The following OTUD7B variants were observed in gnomAD, a reference collection of about 807,000 sequenced individuals.
The protein encoded by OTUD7B is OTU deubiquitinase 7B.
OTUD7B carries 34 observed loss-of-function variants against 82.2 expected under a neutral mutation model. The ratio of observed to expected loss-of-function variants is 0.41; its 90% CI spans 0.31 to 0.55. The LOEUF is 0.55. Among genes scored for constraint, OTUD7B ranks in the 20% least tolerant of loss-of-function variants. The probability of loss-of-function intolerance (pLI) is 0.20; values close to 1 mark genes in which losing one functional copy is unlikely to be tolerated. For missense variants in OTUD7B, 944 were observed against 1,062.1 expected (o/e 0.89, Z 1.55); for synonymous variants, 398 against 402.7 (o/e 0.99, Z 0.14).
chr1:149,949,765 A>T lies in OTUD7B; in HGVS notation c.987T>A (p.Ile329=). ...AAGGCAGATAGATTCCTCCAAAGGG[A>T]ATAGGGGCAAATGCTGCAGGAAGCC... ...RDSGGEAFAP[I]PFGGIYLPLE... is the part of the protein sequence containing the mutation. The change falls in exon 9 of 12, where the codon ATT becomes ATA. Residue 329 remains isoleucine (I), a synonymous_variant. Transcript: ENST00000581312. 6.2e-7 allele frequency: 1 copy of T among 1,614,076 alleles called. No homozygotes were observed. The highest frequency in any genetic ancestry group is 8.5e-7 in the Non-Finnish European group (1 of 1,179,994).
At chr1:150,050,458 T>C in the OTUD7B span, 1 of 152,200 alleles carries the variant, frequency 6.6e-6, no homozygotes, top group African/African-American at 2.4e-5. Flanking sequence ...CAGACATGAA[T>C]GGAAATCATA....
the OTUD7B span, among the ~76,000 whole-genome samples, chr1:150,053,448 G>T: frequency 1.3e-5 from 2 of 150,060 alleles, no homozygotes; most frequent in African/African-American, 4.9e-5. Flanking sequence ...CCAGGCTGTA[G>T]TGCAGTGGCA....
intron 1 of OTUD7B, among the ~76,000 whole-genome samples, chr1:149,987,041 AAAGT>A (rs782550394): frequency 3.9e-5 from 6 of 152,234 alleles, no homozygotes; most frequent in Non-Finnish European, 8.8e-5. Context: ...GAAGAGAAAG[AAAGT>A]AATATGTTTT....
Position 150,009,825 on chromosome 1 carries a change from C to A in OTUD7B, c.-67+623G>T, listed in dbSNP as rs1004374013. Among the ~76,000 whole-genome samples, 25 of 152,030 alleles carry A rather than the reference C, an allele frequency of 1.6e-4. 1 individual carries two copies. Among genetic ancestry groups the A allele is most frequent in the Non-Finnish European group, 5.9e-5 (4 of 67,992 alleles). ...TATGAGAAGAGTGAGATCACGCAGCCCCCGGCTTACTCATCATCAGCTTCT... is the reference window on the plus strand; with the variant it reads ...TATGAGAAGAGTGAGATCACGCAGCACCCGGCTTACTCATCATCAGCTTCT... On this transcript the variant is annotated intron_variant, in intron 1 of 11. Transcript: ENST00000581312.
intron 6 of OTUD7B, among the ~76,000 whole-genome samples, chr1:149,960,572 C>T (rs985697277): frequency 3.3e-5 from 5 of 151,298 alleles, no homozygotes; most frequent in Non-Finnish European, 7.4e-5. Flanking sequence ...TTAGTAGAGA[C>T]GGGCTTTCCC....
At position 149,944,975 on chromosome 1, in the gene OTUD7B, C is replaced by A. The variant is rs782266080; in HGVS notation, c.1414G>T (p.Val472Phe). 1.9e-6 allele frequency: 3 copies of A among 1,614,202 alleles called. No individual in the cohort carries two copies. The highest frequency in any genetic ancestry group is 2.5e-6 in the Non-Finnish European group (3 of 1,180,038). The stretch of plus-strand genomic sequence containing the variant: ...TCGTTGCTGGTGGAACTGCTGCCAA[C>A]TGACTCCTTGTCTGAGTCTCCAGAC... ...PESGDSDKESVGSSSTSNEGG... is the reference protein window; with the variant it reads ...PESGDSDKESFGSSSTSNEGG... The change falls in exon 12 of 12, where the codon GTT becomes TTT. Residue 472 changes from valine (V) to phenylalanine (F), a missense_variant. Coordinates refer to ENST00000581312, the MANE Select transcript of OTUD7B (RefSeq NM_020205.4).
chr1:150,059,127 C>T, the OTUD7B span, among the ~76,000 whole-genome samples: 1 of 142,688 alleles, frequency 7.0e-6, no homozygotes, highest in African/African-American at 2.6e-5. Flanking sequence ...GATCTCGGCT[C>T]ACTGCAACCT....
At chr1:149,945,480 T>C (rs1312990834) in intron 11 of OTUD7B, among the ~76,000 whole-genome samples, 1 of 152,178 alleles carries the variant, frequency 6.6e-6, no homozygotes, top group Non-Finnish European at 1.5e-5. Flanking sequence ...TTATTATACA[T>C]TTCTCTATGC....
At chr1:149,995,655 C>T (rs587612804) in intron 1 of OTUD7B, among the ~76,000 whole-genome samples, 20 of 152,088 alleles carry the variant, frequency 1.3e-4, no homozygotes, top group Admixed American at 1.1e-3. Flanking sequence ...TTAACTGGAA[C>T]TCAATTCCTA....
At chr1:149,949,802 T>C (rs782522572) in intron 8 of OTUD7B, 24 bp from the exon 9 acceptor site, 1 of 1,607,620 alleles carries the variant, frequency 6.2e-7, no homozygotes, top group Non-Finnish European at 8.5e-7. Flanking sequence ...TGAAGATTAT[T>C]ATGAAGGCTG....
intron 7 of OTUD7B, among the ~76,000 whole-genome samples, chr1:149,954,776 T>C (rs1553774216): frequency 6.6e-6 from 1 of 152,124 alleles, no homozygotes; most frequent in Admixed American, 6.6e-5. Context: ...CTTGGGAGGG[T>C]GTATGTGTCC....
intron 1 of OTUD7B, among the ~76,000 whole-genome samples, chr1:149,980,438 G>T (rs1650633904): frequency 6.6e-6 from 1 of 151,946 alleles, no homozygotes; most frequent in Non-Finnish European, 1.5e-5. Context: ...CACAGTGTTT[G>T]GGCCGGGCAC....
At chr1:150,038,748 C>T in the OTUD7B span, among the ~76,000 whole-genome samples, 1 of 152,072 alleles carries the variant, frequency 6.6e-6, no homozygotes. Context: ...AATTATGGCA[C>T]TTCATGATTT....
the OTUD7B span, among the ~76,000 whole-genome samples, chr1:150,063,278 C>T: frequency 6.6e-6 from 1 of 151,844 alleles, no homozygotes; most frequent in Non-Finnish European, 1.5e-5. Flanking sequence ...ATGGTGAAAC[C>T]CTGCCTGTAC....
chr1:149,967,044 T>A (rs1649562178), intron 4 of OTUD7B, among the ~76,000 whole-genome samples: 1 of 152,236 alleles, frequency 6.6e-6, no homozygotes, highest in Non-Finnish European at 1.5e-5. Context: ...TGTATTGATT[T>A]CGAGGTATTG....
At chr1:149,958,217 C>G (rs1440745425) in intron 7 of OTUD7B, among the ~76,000 whole-genome samples, 1 of 151,962 alleles carries the variant, frequency 6.6e-6, no homozygotes, top group African/African-American at 2.4e-5. Flanking sequence ...CCTCCCCCAT[C>G]ACGGGGCTAC....
chr1:149,960,413 T>TTTTTTTTTTTTTTTTTTTTG lies in OTUD7B; in HGVS notation c.733-618_733-617insCAAAAAAAAAAAAAAAAAAA, dbSNP rs1366020859. Among the ~76,000 whole-genome samples the TTTTTTTTTTTTTTTTTTTTG allele has an allele frequency of 1.4e-4, 10 of 72,564 alleles. 1 individual carries two copies. Among genetic ancestry groups the TTTTTTTTTTTTTTTTTTTTG allele is most frequent in the East Asian group, 4.9e-4 (1 of 2,026 alleles). The allele number at this position is 72,564 out of a possible 152,430, so 47.6% of individuals were successfully genotyped here. ...CCTTTTTTTCTTTTTTTTTTTTTTG[T>TTTTTTTTTTTTTTTTTTTTG]AGACAGAGTCACCCAGGCTGGAGTG... On this transcript the variant is annotated intron_variant, in intron 6 of 11. Transcript: ENST00000581312.
intron 1 of OTUD7B, among the ~76,000 whole-genome samples, chr1:150,001,350 G>C (rs1652268527): frequency 6.6e-6 from 1 of 152,150 alleles, no homozygotes; most frequent in Non-Finnish European, 1.5e-5. Context: ...GTCAGGAGCA[G>C]AATGGTTTCC....
chr1:149,943,581 G>A lies in OTUD7B; in HGVS notation c.*276C>T. 2.3e-6 allele frequency: 1 copy of A among 431,326 alleles called. No homozygotes were observed. 26.7% of individuals were successfully genotyped at this position (431,326 alleles called of 1,614,324 possible). A position where few individuals can be genotyped will look rare whatever the true frequency, so the allele number is the denominator to read the frequency against. On this transcript the variant is annotated 3_prime_UTR_variant, in exon 12 of 12. Coordinates refer to ENST00000581312, the MANE Select transcript of OTUD7B (RefSeq NM_020205.4). ...TAGGTCCCTGGATGGGACCCAGGAGGTTATAAGACAGAATCGCCATCTTTT... is the reference window on the plus strand; with the variant it reads ...TAGGTCCCTGGATGGGACCCAGGAGATTATAAGACAGAATCGCCATCTTTT...
Sources: gnomAD v4.1 joint callset for allele counts (sites outside exome capture counted in the v4.1 genomes callset) on GRCh38, gnomAD v4.1.1 for gene constraint, MANE v1.5 for transcripts, NCBI Gene and HGNC (gene_info 2026-07-23, HGNC 2026-07-21) for gene names.